DCTN1: variants seen among roughly 807,000 people sequenced by gnomAD.
DCTN1 encodes the protein dynactin subunit 1.
DCTN1 carries 61 observed loss-of-function variants against 161.2 expected under a neutral mutation model. The observed-to-expected ratio is 0.38, with a 90% CI of 0.31 to 0.47. DCTN1 has a LOEUF of 0.47. Ranked by LOEUF, DCTN1 falls within the 20% of genes least tolerant of loss-of-function variation. The probability of loss-of-function intolerance (pLI) is 0.99; values close to 1 mark genes in which losing one functional copy is unlikely to be tolerated. For missense variants in DCTN1, 1,404 were observed against 1,623.7 expected, an observed-to-expected ratio of 0.86 and a Z score of 2.33; for synonymous variants, 653 against 632.4, an observed-to-expected ratio of 1.03 and a Z score of -0.49.
At chr2:74,385,687 T>C (rs1675696175) in intron 1 of DCTN1, 1 of 152,242 alleles carries the variant, frequency 6.6e-6, no homozygotes, top group South Asian at 2.1e-4. Flanking sequence ...TGCAAAGGCG[T>C]ATCCATGGCA....
intron 8 of DCTN1, 24 bp from the exon 9 acceptor site, chr2:74,371,200 C>G: frequency 1.9e-6 from 3 of 1,611,762 alleles, no homozygotes; most frequent in Non-Finnish European, 1.7e-6. Flanking sequence ...GCCTCACGGT[C>G]TGTGCACAGC....
Position 74,380,072 on chromosome 2 carries a change from G to A in DCTN1, c.-35C>T. The A allele has an allele frequency of 6.2e-7, 1 of 1,613,284 alleles. No individual in the cohort carries two copies. The highest frequency in any genetic ancestry group is 1.7e-5 in the Admixed American group (1 of 60,000). ...CCGGCCTCTACCCCCTCCCCCAGCT[G>A]GCCAAAGACAGAGAGAAAAGGTAGA... On this transcript the variant is annotated 5_prime_UTR_variant, in exon 1 of 32. Transcript: ENST00000628224.
rs755143167 is a variant in DCTN1, at chr2:74,365,447, G to A, written c.3029+68C>T. ...TAAGAGAACCTGAGTAGGGGTATGG[G>A]TTAGGAGGCAGAGAGCTCCAGCAGT... On this transcript the variant is annotated intron_variant, in intron 25 of 31. Transcript: ENST00000628224. The A allele has an allele frequency of 2.5e-5, 40 of 1,611,030 alleles. No homozygotes were observed. The Middle Eastern group carries it at 9.9e-4, about 40-fold the overall frequency.
At position 74,368,170 on chromosome 2, in the gene DCTN1, G is replaced by T. The variant is rs375584945; in HGVS notation, c.1855-39C>A. 2.6e-6 allele frequency: 4 copies of T among 1,557,266 alleles called. No homozygotes were observed. In the South Asian group the frequency reaches 4.7e-5, roughly 18 times the overall value. The stretch of plus-strand genomic sequence containing the variant: ...CACCAGGAACCTGGGCCTCAGAGCA[G>T]AGGATGGAGAACAGAGACTCAGGAA... On this transcript the variant is annotated intron_variant, in intron 16 of 31. Transcript: ENST00000628224.
upstream of DCTN1, among the ~76,000 whole-genome samples, chr2:74,384,725 A>G (rs533036774): frequency 6.6e-6 from 1 of 152,310 alleles, no homozygotes; most frequent in Admixed American, 6.5e-5. Context: ...GCATCCTTTG[A>G]TACCTTGATC....
chr2:74,365,776 G>A (rs1188689267), intron 24 of DCTN1, 117 bp downstream of exon 24: 2 of 1,610,424 alleles, frequency 1.2e-6, no homozygotes, highest in East Asian at 4.5e-5. Flanking sequence ...ATTGATTGCA[G>A]GCCCCACTTC....
upstream of DCTN1, among the ~76,000 whole-genome samples, chr2:74,383,427 A>G (rs187669408): frequency 5.4e-4 from 82 of 152,358 alleles, no homozygotes; most frequent in African/African-American, 1.9e-3. Context: ...CAGACAGAGA[A>G]GGACTTGATC....
intron 1 of DCTN1, chr2:74,391,667 G>A (rs569377972): frequency 2.1e-5 from 8 of 377,244 alleles, no homozygotes; most frequent in Non-Finnish European, 3.6e-5. Flanking sequence ...CCCGGACCCC[G>A]ACAAGCGCCC....
intron 16 of DCTN1, 125 bp downstream of exon 16, chr2:74,368,603 G>A (rs1674598419): frequency 1.5e-6 from 2 of 1,321,748 alleles, no homozygotes; most frequent in South Asian, 2.5e-5. Context: ...ACTTTGCTGT[G>A]TTCCTCCACT....
intron 5 of DCTN1, 115 bp downstream of exon 5, chr2:74,376,627 C>T: frequency 1.9e-6 from 2 of 1,028,266 alleles, no homozygotes; most frequent in Non-Finnish European, 1.5e-6. Context: ...TTTCCTCTGG[C>T]CATCCCAGCC....
At chr2:74,376,674 C>A in intron 5 of DCTN1, 68 bp downstream of exon 5, 1 of 1,445,000 alleles carries the variant, frequency 6.9e-7, no homozygotes, top group Non-Finnish European at 9.6e-7. Context: ...AGCCCAGGGA[C>A]ATGCAGGACA....
intron 1 of DCTN1, among the ~76,000 whole-genome samples, chr2:74,378,714 T>C (rs1399419443): frequency 6.6e-6 from 1 of 152,176 alleles, no homozygotes; most frequent in Non-Finnish European, 1.5e-5. Context: ...CACTGTCACT[T>C]GTCTCCTCTG....
chr2:74,388,010 GC>G (rs1675819294), intron 1 of DCTN1, among the ~76,000 whole-genome samples: 3 of 151,362 alleles, frequency 2.0e-5, no homozygotes, highest in Admixed American at 2.0e-4. Context: ...CATGGTGAAA[GC>G]CTGTCTCTAC....
upstream of DCTN1, among the ~76,000 whole-genome samples, chr2:74,380,952 T>G (rs550020710): frequency 3.3e-5 from 5 of 152,354 alleles, no homozygotes; most frequent in East Asian, 9.6e-4. Context: ...AGAGCCCTTC[T>G]TTCTTCTTGT....
chr2:74,373,289 T>C (rs559851419), intron 6 of DCTN1: 10 of 396,872 alleles, frequency 2.5e-5, no homozygotes, highest in Non-Finnish European at 4.3e-5. Flanking sequence ...ATGAGACCAG[T>C]CCTCCTGCTA....
chr2:74,376,368 C>T (rs1288768159), intron 5 of DCTN1, among the ~76,000 whole-genome samples: 1 of 152,224 alleles, frequency 6.6e-6, no homozygotes, highest in Non-Finnish European at 1.5e-5. Context: ...TTCCTCAGCC[C>T]CATTCCCCCA....
intron 24 of DCTN1, 46 bp downstream of exon 24, chr2:74,365,847 C>T: frequency 1.9e-6 from 3 of 1,614,116 alleles, no homozygotes; most frequent in Non-Finnish European, 2.5e-6. Flanking sequence ...TTCCTGAGTC[C>T]TACCAATTTC....
chr2:74,369,403 G>T lies in DCTN1; in HGVS notation c.1481C>A (p.Ala494Glu). The change falls in exon 14 of 32, where the codon GCG becomes GAG. Residue 494 changes from alanine (A) to glutamate (E), a missense_variant. This residue lies in a region of DCTN1 where 278 missense variants were observed against 363.8 expected (regional missense o/e 0.76). Coordinates refer to ENST00000628224, the MANE Select transcript of DCTN1 (RefSeq NM_004082.5). The surrounding 1 kb of genome is among the most constrained non-coding windows in gnomAD (Gnocchi z 4.9). Reference sequence around the variant, plus strand: ...ACGCTTCTGGGCCTCACGAACCCGCGCGCCTGCCATGTCCAGCTGCTCCCG... The same window carrying T: ...ACGCTTCTGGGCCTCACGAACCCGCTCGCCTGCCATGTCCAGCTGCTCCCG... ...ELREQLDMAG[A>E]RVREAQKRVE... The T allele has an allele frequency of 1.2e-6, 2 of 1,614,138 alleles. No homozygotes were observed. Among genetic ancestry groups the T allele is most frequent in the Non-Finnish European group, 1.7e-6 (2 of 1,180,026 alleles).
intron 5 of DCTN1, 48 bp from the exon 6 acceptor site, chr2:74,374,388 G>A (rs1001356757): frequency 6.2e-7 from 1 of 1,612,242 alleles, no homozygotes; most frequent in African/African-American, 1.3e-5. Context: ...GAGGAAAGAG[G>A]AGGGACAGAG....
Sources: gnomAD v4.1 joint callset for allele counts (sites outside exome capture counted in the v4.1 genomes callset) on GRCh38, gnomAD v4.1.1 for gene constraint, gnomAD v4.1.1 regional missense constraint, Gnocchi (gnomAD v3.1) non-coding constraint, MANE v1.5 for transcripts, NCBI Gene and HGNC (gene_info 2026-07-23, HGNC 2026-07-21) for gene names.